Variants in CLN8 observed in about 807,000 individuals in gnomAD.
CLN8 encodes the protein protein CLN8.
CLN8 carries 14 observed loss-of-function variants against 15.7 expected under a neutral mutation model. The ratio of observed to expected loss-of-function variants is 0.89; its 90% CI spans 0.59 to 1.39. The LOEUF (loss-of-function observed/expected upper bound fraction) is 1.39, where lower values mean the gene tolerates loss of function less well. Ranked by LOEUF, CLN8 falls within the 40% of genes most tolerant of loss-of-function variation. The probability of loss-of-function intolerance (pLI) is 0.00; values close to 1 mark genes in which losing one functional copy is unlikely to be tolerated. For synonymous variants in CLN8, 188 were observed against 151.0 expected (o/e 1.25, Z -1.80); for missense variants, 415 against 364.0 (o/e 1.14, Z -1.14).
chr8:1,761,482 G>A (rs1355864754), upstream of CLN8, among the ~76,000 whole-genome samples: 5 of 152,124 alleles, frequency 3.3e-5, no homozygotes, highest in Non-Finnish European at 7.4e-5. Context: ...GCACCACCAC[G>A]CCTGGCTAAT....
At chr8:1,765,097 AG>A in intron 1 of CLN8, 1 of 152,174 alleles carries the variant, frequency 6.6e-6, no homozygotes, top group East Asian at 1.9e-4. Context: ...GTGGTTGTTA[AG>A]GAAGTTCTTC....
At chr8:1,768,045 G>A (rs1463220129) in intron 1 of CLN8, among the ~76,000 whole-genome samples, 1 of 151,664 alleles carries the variant, frequency 6.6e-6, no homozygotes, top group South Asian at 2.1e-4. Flanking sequence ...CTGGGTTCCA[G>A]AAATTCTCCT....
chr8:1,770,258 G>C (rs1350880100), intron 1 of CLN8, among the ~76,000 whole-genome samples: 1 of 152,202 alleles, frequency 6.6e-6, no homozygotes, highest in Non-Finnish European at 1.5e-5. Context: ...TTTTCCAGGA[G>C]AGGGCCCAGC....
chr8:1,770,645 C>T (rs1563106698), intron 1 of CLN8, among the ~76,000 whole-genome samples: 1 of 152,090 alleles, frequency 6.6e-6, no homozygotes, highest in Admixed American at 6.6e-5. Context: ...GCTGTGAAGG[C>T]GGGAGACTTG....
In CLN8 at chr8:1,780,786, T is replaced by A. The variant is rs1334834106; in HGVS notation, c.*219T>A. 1.7e-6 allele frequency: 1 copy of A among 605,002 alleles called. No homozygotes were observed. Among genetic ancestry groups the A allele is most frequent in the Non-Finnish European group, 2.9e-6 (1 of 345,568 alleles). 37.5% of individuals were successfully genotyped at this position (605,002 alleles called of 1,614,324 possible). A position where few individuals can be genotyped will look rare whatever the true frequency, so the allele number is the denominator to read the frequency against. On this transcript the variant is annotated 3_prime_UTR_variant, in exon 3 of 3. Transcript: ENST00000331222. ...GACTGTCTGGCAGGCTCTGTCAGTT[T>A]AGCCGCGCCGGACCGTGTCAAGCAT...
upstream of CLN8, among the ~76,000 whole-genome samples, chr8:1,755,404 T>C (rs1230041426): frequency 1.3e-5 from 2 of 152,148 alleles, no homozygotes; most frequent in Non-Finnish European, 2.9e-5. Context: ...CATGGAGCTG[T>C]AGTCTCCAAG....
chr8:1,760,530 T>C (rs1379880411), upstream of CLN8: 1 of 152,220 alleles, frequency 6.6e-6, no homozygotes, highest in African/African-American at 2.4e-5. Flanking sequence ...TTTATCACTC[T>C]GCTTTAAAGA....
chr8:1,771,100 C>A lies in CLN8; in HGVS notation c.46C>A (p.Leu16Met), dbSNP rs386834129. 53 of 1,613,896 alleles carry A rather than the reference C, an allele frequency of 3.3e-5. No homozygotes were observed. The highest frequency in any genetic ancestry group is 3.3e-4 in the Middle Eastern group (2 of 6,084). ...DGGTSESIFDLDYASWGIRST... is the reference protein window; with the variant it reads ...DGGTSESIFDMDYASWGIRST... ...GGGCACATCAGAGAGCATTTTTGAC[C>A]TGGACTATGCATCCTGGGGGATCCG... Residue 16 changes from leucine (L) to methionine (M), a missense_variant, in exon 2 of 3, where the codon CTG becomes ATG. Physicochemically the swap from Leu to Met is conservative, Grantham distance 15. Transcript: ENST00000331222.
intron 2 of CLN8, among the ~76,000 whole-genome samples, chr8:1,771,950 T>TATTTA (rs58831168): frequency 6.6e-6 from 1 of 150,820 alleles, no homozygotes; most frequent in African/African-American, 2.4e-5. Context: ...TTTATTTATT[T>TATTTA]TTTGAGACGG....
chr8:1,770,816 T>G (rs2130989182), intron 1 of CLN8, 116 bp from the exon 2 acceptor site: 2 of 595,316 alleles, frequency 3.4e-6, no homozygotes, highest in South Asian at 4.1e-5. Context: ...CCTTGTAAGT[T>G]CATTAAGAAT....
In CLN8 at chr8:1,771,080, C is replaced by T. The variant is rs1174240541; in HGVS notation, c.26C>T (p.Thr9Ile). 4 of 1,614,054 alleles carry T rather than the reference C, an allele frequency of 2.5e-6. No homozygotes were observed. Among genetic ancestry groups the T allele is most frequent in the Non-Finnish European group, 3.4e-6 (4 of 1,180,018 alleles). The part of the protein sequence containing the change: MNPASDGG[T>I]SESIFDLDYA... ...ATGAATCCTGCGAGCGATGGGGGCA[C>T]ATCAGAGAGCATTTTTGACCTGGAC... The change falls in exon 2 of 3, where the codon ACA (threonine) becomes ATA (isoleucine). Residue 9 changes from threonine (T) to isoleucine (I), a missense_variant. Physicochemically the swap from Thr to Ile is moderately conservative, Grantham distance 89. Coordinates refer to ENST00000331222, the MANE Select transcript of CLN8 (RefSeq NM_018941.4).
chr8:1,767,588 T>TTG (rs386411877), intron 1 of CLN8, among the ~76,000 whole-genome samples: 3 of 146,944 alleles, frequency 2.0e-5, no homozygotes, highest in Admixed American at 2.0e-4. Flanking sequence ...TTTTTTTTTT[T>TTG]TGAGACGGGG....
intron 2 of CLN8, chr8:1,773,437 A>C (rs1260204112): frequency 6.5e-6 from 1 of 153,858 alleles, no homozygotes; most frequent in East Asian, 1.9e-4. Flanking sequence ...TTACCAAGGA[A>C]GAAGGGTTGG....
chr8:1,766,383 G>GTTTT (rs1447639643), intron 1 of CLN8, among the ~76,000 whole-genome samples: 1 of 120,858 alleles, frequency 8.3e-6, no homozygotes, highest in African/African-American at 3.3e-5. Flanking sequence ...TCGGCCTCCA[G>GTTTT]TTTTTTGTTT....
At chr8:1,765,943 C>T (rs552657066) in intron 1 of CLN8, among the ~76,000 whole-genome samples, 1 of 152,276 alleles carries the variant, frequency 6.6e-6, no homozygotes, top group East Asian at 1.9e-4. Flanking sequence ...TTTGACGTCA[C>T]TTCCAAGTTT....
chr8:1,757,714 G>A (rs573900230), intron 1 of CLN8, among the ~76,000 whole-genome samples: 8 of 152,162 alleles, frequency 5.3e-5, no homozygotes, highest in South Asian at 4.1e-4. Context: ...TTATAGGCAC[G>A]AGCCACCATG....
At chr8:1,772,693 T>G (rs1801363847) in intron 2 of CLN8, among the ~76,000 whole-genome samples, 1 of 152,136 alleles carries the variant, frequency 6.6e-6, no homozygotes, top group South Asian at 2.1e-4. Flanking sequence ...TTGGCCAGGC[T>G]GGTCTTGAAC....
At chr8:1,755,634 G>C (rs138228915), upstream of CLN8, 1 of 152,358 alleles carries the variant, frequency 6.6e-6, no homozygotes, top group South Asian at 2.1e-4. Context: ...GCTGGGGGTT[G>C]GACGCACCAC....
At chr8:1,753,627 C>G (rs1444413070), upstream of CLN8, among the ~76,000 whole-genome samples, 1 of 67,230 alleles carries the variant, frequency 1.5e-5, no homozygotes, top group African/African-American at 4.7e-5. Context: ...TGGCTCACAC[C>G]TGTAATCCCA....
Sources: allele counts gnomAD v4.1 joint callset (sites outside exome capture counted in the v4.1 genomes callset), GRCh38; gene constraint gnomAD v4.1.1; transcripts MANE v1.5; gene names NCBI Gene and HGNC (gene_info 2026-07-23, HGNC 2026-07-21).